The following CWC27 variants were observed in gnomAD, a reference collection of about 807,000 sequenced individuals.
CWC27 encodes the protein spliceosome-associated protein CWC27 homolog.
Under a neutral mutation model 63.6 loss-of-function variants are expected in CWC27, and 47 were observed. That is an observed-to-expected ratio of 0.74 (90% CI 0.58 to 0.94). The LOEUF is 0.94. Ranked by LOEUF, CWC27 falls within the 40% of genes least tolerant of loss-of-function variation. The probability of loss-of-function intolerance (pLI) is 0.00; values close to 1 mark genes in which losing one functional copy is unlikely to be tolerated. For missense variants in CWC27, 495 were observed against 554.3 expected (o/e 0.89, Z 1.07); for synonymous variants, 175 against 179.8 (o/e 0.97, Z 0.22).
intron 11 of CWC27, among the ~76,000 whole-genome samples, chr5:64,941,613 C>T (rs1748481553): frequency 6.6e-6 from 1 of 151,824 alleles, no homozygotes; most frequent in African/African-American, 2.4e-5. Context: ...CAATAGCCAC[C>T]ACAGAATATA....
chr5:64,897,872 A>G (rs1279264528), intron 11 of CWC27, among the ~76,000 whole-genome samples: 5 of 152,234 alleles, frequency 3.3e-5, no homozygotes, highest in Non-Finnish European at 7.3e-5. Flanking sequence ...GCATAGACCT[A>G]ATAACATAAA....
intron 11 of CWC27, among the ~76,000 whole-genome samples, chr5:64,967,730 T>C (rs1415325230): frequency 6.6e-6 from 1 of 151,830 alleles, no homozygotes; most frequent in East Asian, 1.9e-4. Context: ...AGAAAAAAAA[T>C]CTCAACCCTT....
chr5:64,826,803 T>C (rs1745375699), intron 10 of CWC27, among the ~76,000 whole-genome samples: 1 of 152,084 alleles, frequency 6.6e-6, no homozygotes, highest in Non-Finnish European at 1.5e-5. Flanking sequence ...CTTAGTTTCC[T>C]TTTCATTATC....
intron 10 of CWC27, among the ~76,000 whole-genome samples, chr5:64,867,960 G>A (rs1441510206): frequency 6.6e-6 from 1 of 151,694 alleles, no homozygotes; most frequent in Admixed American, 6.6e-5. Context: ...TGTTGTTGTT[G>A]TTGTTGTTGT....
At chr5:64,923,310 C>A (rs1748033886) in intron 11 of CWC27, among the ~76,000 whole-genome samples, 1 of 152,074 alleles carries the variant, frequency 6.6e-6, no homozygotes, top group South Asian at 2.1e-4. Flanking sequence ...GGCCACTGGA[C>A]AACAGGATGT....
At chr5:64,997,773 A>G (rs1749663095) in intron 13 of CWC27, among the ~76,000 whole-genome samples, 1 of 152,206 alleles carries the variant, frequency 6.6e-6, no homozygotes, top group South Asian at 2.1e-4. Context: ...CATTGTAAAT[A>G]GAATTTAAAT....
At chr5:64,905,210 A>AAAAAAAACAAAAC (rs1747604382) in intron 11 of CWC27, among the ~76,000 whole-genome samples, 1 of 151,162 alleles carries the variant, frequency 6.6e-6, no homozygotes, top group African/African-American at 2.4e-5. Flanking sequence ...CAAAAAAAAA[A>AAAAAAAACAAAAC]AAAAAAAAAA....
At chr5:64,825,759 G>A (rs1011161182) in intron 10 of CWC27, among the ~76,000 whole-genome samples, 28 of 152,126 alleles carry the variant, frequency 1.8e-4, no homozygotes, top group Admixed American at 1.0e-3. Flanking sequence ...TTGGTGGGGC[G>A]ATGGACTCCA....
At chr5:64,983,734 T>A (rs1749368803) in intron 13 of CWC27, among the ~76,000 whole-genome samples, 1 of 152,284 alleles carries the variant, frequency 6.6e-6, no homozygotes, top group African/African-American at 2.4e-5. Flanking sequence ...TTAACTGTTT[T>A]GAAGTGGTCT....
chr5:64,974,579 G>A (rs1205283790), intron 12 of CWC27, among the ~76,000 whole-genome samples: 1 of 152,140 alleles, frequency 6.6e-6, no homozygotes, highest in African/African-American at 2.4e-5. Flanking sequence ...TGGGAATTCT[G>A]GGAGATACAA....
intron 11 of CWC27, among the ~76,000 whole-genome samples, chr5:64,893,778 A>G (rs934440587): frequency 6.6e-6 from 1 of 152,242 alleles, no homozygotes; most frequent in African/African-American, 2.4e-5. Context: ...TGTTTAAAAC[A>G]TTATGCTGCA....
intron 11 of CWC27, among the ~76,000 whole-genome samples, chr5:64,892,550 G>A (rs551501899): frequency 1.4e-3 from 217 of 152,052 alleles, no homozygotes; most frequent in Non-Finnish European, 1.9e-3. Context: ...ATAAACACAC[G>A]TGTTTTTTTC....
At chr5:64,917,867 C>T (rs138503004) in intron 11 of CWC27, among the ~76,000 whole-genome samples, 1,986 of 152,152 alleles carry the variant, frequency 0.013, 9 homozygotes, top group Non-Finnish European at 0.02. Context: ...TGGTCTCCAG[C>T]TTGCTGACTG....
At chr5:64,786,672 T>C in intron 6 of CWC27, 45 bp downstream of exon 6, 2 of 1,159,320 alleles carry the variant, frequency 1.7e-6, no homozygotes, top group Non-Finnish European at 2.5e-6. Context: ...AAAATGACAC[T>C]CATTCATTTA....
intron 10 of CWC27, among the ~76,000 whole-genome samples, chr5:64,837,611 G>T: frequency 6.6e-6 from 1 of 150,716 alleles, no homozygotes; most frequent in Non-Finnish European, 1.5e-5. Flanking sequence ...CTTTGTCTTA[G>T]CAAGAATATG....
intron 13 of CWC27, among the ~76,000 whole-genome samples, chr5:65,014,053 C>T (rs1338598253): frequency 6.6e-6 from 1 of 151,740 alleles, no homozygotes; most frequent in Non-Finnish European, 1.5e-5. Context: ...AAGGTCTAGT[C>T]CTTTTTGAAA....
chr5:65,009,782 G>A lies in CWC27; in HGVS notation c.1257-8377G>A, dbSNP rs10055493. ...GCACCTTGATCTGGGACTTCTGTCT[G>A]TGAGAAAATAAATTGCTATTGTTTA... On this transcript the variant is annotated intron_variant, in intron 13 of 13. Coordinates refer to ENST00000381070, the MANE Select transcript of CWC27 (RefSeq NM_005869.4). Among the ~76,000 whole-genome samples the A allele has an allele frequency of 6.5e-3, 996 of 152,352 alleles. 13 individuals are homozygous for A. Among genetic ancestry groups the A allele is most frequent in the African/African-American group, 0.023 (955 of 41,582 alleles).
chr5:64,788,919 C>CTTTT, intron 6 of CWC27, 32 bp from the exon 7 acceptor site: 1 of 1,240,828 alleles, frequency 8.1e-7, no homozygotes, highest in Non-Finnish European at 1.1e-6. Context: ...CTTTCTCTTT[C>CTTTT]TTTTTTTTTT....
At chr5:64,938,854 T>C (rs1287894811) in intron 11 of CWC27, among the ~76,000 whole-genome samples, 2 of 152,168 alleles carry the variant, frequency 1.3e-5, no homozygotes, top group Admixed American at 1.3e-4. Flanking sequence ...TTTCATTAAG[T>C]TGATTTTTAA....
Sources: allele counts gnomAD v4.1 joint callset (sites outside exome capture counted in the v4.1 genomes callset), GRCh38; gene constraint gnomAD v4.1.1; transcripts MANE v1.5; gene names NCBI Gene and HGNC (gene_info 2026-07-23, HGNC 2026-07-21).